Variants in FREM3 observed in about 807,000 individuals in gnomAD.
The protein encoded by FREM3 is FRAS1-related extracellular matrix protein 3.
In FREM3, 105 loss-of-function variants were observed where a neutral mutation model predicts 129.1. The observed-to-expected ratio is 0.81, with a 90% CI of 0.69 to 0.96. FREM3 has a LOEUF of 0.96. Ranked by LOEUF, FREM3 falls within the 40% of genes least tolerant of loss-of-function variation. The pLI, the probability that FREM3 is intolerant of heterozygous loss-of-function variation, is 0.00. For synonymous variants in FREM3, 1,014 were observed against 1,044.9 expected, an observed-to-expected ratio of 0.97 and a Z score of 0.57; for missense variants, 2,593 against 2,666.3, an observed-to-expected ratio of 0.97 and a Z score of 0.61.
chr4:143,646,609 G>A (rs1739422294), intron 2 of FREM3, among the ~76,000 whole-genome samples: 1 of 152,170 alleles, frequency 6.6e-6, no homozygotes, highest in Admixed American at 6.5e-5. Context: ...CTGCCACCAA[G>A]TGAAGAAGGA....
intron 2 of FREM3, among the ~76,000 whole-genome samples, chr4:143,649,462 C>A (rs1010804430): frequency 3.9e-5 from 6 of 152,168 alleles, no homozygotes; most frequent in Non-Finnish European, 8.8e-5. Context: ...TATACTCATA[C>A]CAACCCAGGG....
chr4:143,692,696 C>T (rs1159559234), intron 2 of FREM3, among the ~76,000 whole-genome samples: 1 of 152,138 alleles, frequency 6.6e-6, no homozygotes, highest in African/African-American at 2.4e-5. Flanking sequence ...AGTCTAAGAT[C>T]AGGGAGCCAT....
chr4:143,602,964 T>G (rs1299353701), intron 6 of FREM3, among the ~76,000 whole-genome samples: 1 of 152,160 alleles, frequency 6.6e-6, no homozygotes, highest in Non-Finnish European at 1.5e-5. Flanking sequence ...ATGGCTGTTA[T>G]TGGCTTGATG....
At position 143,698,632 on chromosome 4, in the gene FREM3, G is replaced by T. The variant is rs1578876565; in HGVS notation, c.2044C>A (p.Pro682Thr). ...ATGTGCTGTTTGGAGAGATTGGGTGGGTCATGGTCATCCTGCACATGGAAA... is the reference window on the plus strand; with the variant it reads ...ATGTGCTGTTTGGAGAGATTGGGTGTGTCATGGTCATCCTGCACATGGAAA... ...LAFHVQDDHD[P>T]PNLSKQHIFT... The change falls in exon 1 of 8, where the codon CCA becomes ACA. Residue 682 changes from proline (P) to threonine (T), a missense_variant. Transcript: ENST00000329798. The T allele has an allele frequency of 6.5e-7, 1 of 1,537,770 alleles. No individual in the cohort carries two copies. Among genetic ancestry groups the T allele is most frequent in the Non-Finnish European group, 8.7e-7 (1 of 1,147,032 alleles).
At chr4:143,646,918 C>T (rs1013395133) in intron 2 of FREM3, among the ~76,000 whole-genome samples, 16 of 151,798 alleles carry the variant, frequency 1.1e-4, no homozygotes, top group Non-Finnish European at 1.6e-4. Context: ...TTCCTAGAGA[C>T]TTGTAGGGCT....
chr4:143,592,529 G>A (rs1265967655), intron 6 of FREM3, among the ~76,000 whole-genome samples: 2 of 152,258 alleles, frequency 1.3e-5, no homozygotes, highest in South Asian at 2.1e-4. Context: ...TGAAATTCTG[G>A]GTTGAAAATT....
rs561225736 is a variant in FREM3 at position 143,697,071 on chromosome 4, T to C, written c.3605A>G (p.Lys1202Arg). ...EQPKLFAHEF[K>R]VLEGMSLVID... is the part of the protein sequence containing the mutation. The stretch of plus-strand genomic sequence containing the variant: ...GACCAGGCTCATCCCCTCTAGTACC[T>C]TAAACTCATGGGCAAAAAGTTTAGG... Residue 1202 changes from lysine (K) to arginine (R), a missense_variant, in exon 1 of 8, where the codon AAG (lysine) becomes AGG (arginine). Coordinates refer to ENST00000329798, the MANE Select transcript of FREM3 (RefSeq NM_001168235.2). 153 of 1,537,652 alleles carry C rather than the reference T, an allele frequency of 1.0e-4. No homozygotes were observed. In the Middle Eastern group the frequency reaches 1.0e-3, roughly 10 times the overall value.
intron 2 of FREM3, among the ~76,000 whole-genome samples, chr4:143,629,698 T>C (rs1301719924): frequency 1.3e-5 from 2 of 152,200 alleles, no homozygotes; most frequent in African/African-American, 4.8e-5. Flanking sequence ...AGTTCTTTTA[T>C]ATACTGTCAC....
intron 6 of FREM3, among the ~76,000 whole-genome samples, chr4:143,592,254 T>C (rs1462523063): frequency 1.3e-5 from 2 of 152,176 alleles, no homozygotes; most frequent in Admixed American, 1.3e-4. Flanking sequence ...AAGGTTAGTA[T>C]TGTTATGTGT....
intron 2 of FREM3, among the ~76,000 whole-genome samples, chr4:143,681,971 T>C (rs1233499345): frequency 6.6e-6 from 1 of 152,148 alleles, no homozygotes; most frequent in Non-Finnish European, 1.5e-5. Context: ...ACTTGTTGGA[T>C]GTCGCATAAA....
chr4:143,593,587 C>T (rs1490551139), intron 6 of FREM3, among the ~76,000 whole-genome samples: 2 of 152,188 alleles, frequency 1.3e-5, no homozygotes, highest in African/African-American at 2.4e-5. Context: ...CCTGATCGTT[C>T]CTCTGGAAGT....
chr4:143,614,044 G>T (rs1738804136), intron 5 of FREM3, among the ~76,000 whole-genome samples: 4 of 152,008 alleles, frequency 2.6e-5, no homozygotes, highest in Admixed American at 2.6e-4. Context: ...ATTCAAGTAG[G>T]TTGATTTCTG....
At chr4:143,660,258 G>C (rs1739685939) in intron 2 of FREM3, among the ~76,000 whole-genome samples, 1 of 151,796 alleles carries the variant, frequency 6.6e-6, no homozygotes. Context: ...ATTAATTTTT[G>C]TATAAGGTGT....
intron 6 of FREM3, among the ~76,000 whole-genome samples, chr4:143,606,549 A>G (rs575100663): frequency 5.3e-5 from 8 of 152,078 alleles, no homozygotes; most frequent in Non-Finnish European, 1.2e-4. Context: ...AAGGAAGAAA[A>G]TATTTATCTA....
In FREM3 at chr4:143,681,400, A is replaced by G. The variant is rs137970160; in HGVS notation, c.5275+11713T>C. ...ATGTGAAAATTTTCAATATAAATCT[A>G]TGATTCCATGAGTATAATGACCTAG... On this transcript the variant is annotated intron_variant, in intron 2 of 7. Coordinates refer to ENST00000329798, the MANE Select transcript of FREM3 (RefSeq NM_001168235.2). Among the ~76,000 whole-genome samples, 212 of 152,258 alleles carry G rather than the reference A, an allele frequency of 1.4e-3. 6 individuals carry two copies. The East Asian group carries it at 0.035, about 25-fold the overall frequency.
intron 6 of FREM3, among the ~76,000 whole-genome samples, chr4:143,587,082 A>T (rs1738255354): frequency 6.6e-6 from 1 of 152,172 alleles, no homozygotes; most frequent in South Asian, 2.1e-4. Flanking sequence ...TTAACTGCTG[A>T]GGGAGTAGTA....
At chr4:143,621,523 AT>A (rs1319458680) in intron 4 of FREM3, among the ~76,000 whole-genome samples, 2 of 152,200 alleles carry the variant, frequency 1.3e-5, no homozygotes, top group African/African-American at 4.8e-5. Flanking sequence ...ATTTTTTAAT[AT>A]TTTAACAATC....
chr4:143,580,776 A>C (rs1738128958), intron 7 of FREM3, among the ~76,000 whole-genome samples: 1 of 152,200 alleles, frequency 6.6e-6, no homozygotes, highest in Admixed American at 6.5e-5. Flanking sequence ...GCTGGTCTGC[A>C]GCTCTTGCCC....
At chr4:143,638,418 C>T (rs547573323) in intron 2 of FREM3, among the ~76,000 whole-genome samples, 3 of 152,106 alleles carry the variant, frequency 2.0e-5, no homozygotes, top group African/African-American at 4.8e-5. Context: ...TTCTCAGGAG[C>T]ATACAAGATT....
Sources: gnomAD v4.1 joint callset for allele counts (sites outside exome capture counted in the v4.1 genomes callset) on GRCh38, gnomAD v4.1.1 for gene constraint, MANE v1.5 for transcripts, NCBI Gene and HGNC (gene_info 2026-07-23, HGNC 2026-07-21) for gene names.